Variants in SLC12A1 observed in about 807,000 individuals in gnomAD.
SLC12A1 encodes the protein solute carrier family 12 member 1, also known as Na-K-2Cl cotransporter.
SLC12A1 carries 89 observed loss-of-function variants against 130.4 expected under a neutral mutation model. The observed-to-expected ratio is 0.68, with a 90% CI of 0.58 to 0.81. The LOEUF (loss-of-function observed/expected upper bound fraction) is 0.81. Ranked by LOEUF, SLC12A1 falls within the 40% of genes least tolerant of loss-of-function variation. SLC12A1 has a pLI of 0.00. For missense variants in SLC12A1, 1,310 were observed against 1,336.4 expected (o/e 0.98, Z 0.31); for synonymous variants, 499 against 460.0 (o/e 1.08, Z -1.09).
At chr15:48,230,708 G>A (rs1417747945) in intron 7 of SLC12A1, among the ~76,000 whole-genome samples, 1 of 152,248 alleles carries the variant, frequency 6.6e-6, no homozygotes, top group African/African-American at 2.4e-5. Context: ...TCACATGACT[G>A]CCGTATTTTG....
chr15:48,207,761 GCCCAGTA>G lies in SLC12A1; in HGVS notation c.43_49del (p.Pro15IlefsTer10). 6.2e-7 allele frequency: 1 copy of G among 1,604,412 alleles called. No individual in the cohort carries two copies. Among genetic ancestry groups the G allele is most frequent in the Non-Finnish European group, 8.5e-7 (1 of 1,174,882 alleles). ...CTTCCAATGTATTTCTGGATTCAGT[GCCCAGTA>G]ATACCAATCGCTTTCAAGTTAGTGT... On this transcript the variant is annotated frameshift_variant, in exon 2 of 27. Coordinates refer to ENST00000380993, the MANE Select transcript of SLC12A1 (RefSeq NM_000338.3). LOFTEE classifies it high-confidence loss of function.
chr15:48,226,297 C>T, intron 4 of SLC12A1, 179 bp from the exon 5 acceptor site: 1 of 530,262 alleles, frequency 1.9e-6, no homozygotes, highest in Non-Finnish European at 3.3e-6. Flanking sequence ...TCATAATGAG[C>T]AGTTCTCTGA....
chr15:48,213,451 A>C (rs2041079168), intron 2 of SLC12A1, among the ~76,000 whole-genome samples: 1 of 152,092 alleles, frequency 6.6e-6, no homozygotes, highest in South Asian at 2.1e-4. Context: ...TGTATTTACA[A>C]GAGTTTCTGT....
chr15:48,241,375 C>T lies in SLC12A1; in HGVS notation c.1216-140C>T, dbSNP rs35105775. The stretch of plus-strand genomic sequence containing the variant: ...CCAAAATAAAGCTCAAGCTCATCAA[C>T]TTGCTGTTTGCTTGATCTTTTCTTA... On this transcript the variant is annotated intron_variant, in intron 9 of 26. Coordinates refer to ENST00000380993, the MANE Select transcript of SLC12A1 (RefSeq NM_000338.3). The T allele has an allele frequency of 1.9e-3, 1,309 of 699,040 alleles. 12 individuals are homozygous for T. The African/African-American group carries it at 0.02, about 11-fold the overall frequency. The allele number at this position is 699,040 out of a possible 1,614,324, so 43.3% of individuals were successfully genotyped here.
intron 14 of SLC12A1, 29 bp from the exon 15 acceptor site, chr15:48,251,586 A>C (rs1356540784): frequency 6.3e-7 from 1 of 1,582,628 alleles, no homozygotes; most frequent in African/African-American, 1.3e-5. Flanking sequence ...GTAGAGTGGA[A>C]GTTTTCCTTC....
intron 20 of SLC12A1, among the ~76,000 whole-genome samples, chr15:48,281,654 T>C (rs998455001): frequency 2.0e-5 from 3 of 152,216 alleles, no homozygotes; most frequent in African/African-American, 7.2e-5. Flanking sequence ...AGTTTCCTTT[T>C]TGGTAAAATG....
At chr15:48,231,475 G>C (rs1449001511) in intron 7 of SLC12A1, among the ~76,000 whole-genome samples, 1 of 152,180 alleles carries the variant, frequency 6.6e-6, no homozygotes, top group African/African-American at 2.4e-5. Context: ...TAGCAGTAGA[G>C]GGTAGCATTT....
rs553459441 is a variant in SLC12A1 at position 48,226,392 on chromosome 15, G to T, written c.629-84G>T. On this transcript the variant is annotated intron_variant, in intron 4 of 26. Coordinates refer to ENST00000380993, the MANE Select transcript of SLC12A1 (RefSeq NM_000338.3). Reference sequence around the variant, plus strand: ...CCGAGGCATGGACCTGAAAACTTAAGTTAAAGGCAGTGTAGTTTGCAGCAA... The same window carrying T: ...CCGAGGCATGGACCTGAAAACTTAATTTAAAGGCAGTGTAGTTTGCAGCAA... The T allele has an allele frequency of 4.9e-6, 4 of 823,330 alleles. No individual in the cohort carries two copies. In the African/African-American group the frequency reaches 7.1e-5, roughly 15 times the overall value. The allele number at this position is 823,330 out of a possible 1,614,324, so 51.0% of individuals were successfully genotyped here.
chr15:48,221,878 T>C (rs1354579215), intron 4 of SLC12A1, among the ~76,000 whole-genome samples: 1 of 152,196 alleles, frequency 6.6e-6, no homozygotes, highest in Non-Finnish European at 1.5e-5. Flanking sequence ...CCAGAAGGTA[T>C]CTCAATTCAC....
At chr15:48,286,286 T>C (rs1194846900) in intron 21 of SLC12A1, among the ~76,000 whole-genome samples, 2 of 152,244 alleles carry the variant, frequency 1.3e-5, no homozygotes, top group Non-Finnish European at 1.5e-5. Flanking sequence ...CTCTGGCTAC[T>C]GTCGAGCTCC....
chr15:48,287,648 C>T (rs2042073679), intron 21 of SLC12A1, among the ~76,000 whole-genome samples: 2 of 152,046 alleles, frequency 1.3e-5, no homozygotes. Flanking sequence ...TAAGTAAATA[C>T]AAAAATATTA....
intron 16 of SLC12A1, among the ~76,000 whole-genome samples, chr15:48,256,641 T>C (rs2041710108): frequency 6.6e-6 from 1 of 152,172 alleles, no homozygotes; most frequent in African/African-American, 2.4e-5. Context: ...CTGCCCTTTA[T>C]AAAACCATCA....
chr15:48,283,134 A>G (rs1310376112), intron 20 of SLC12A1, among the ~76,000 whole-genome samples: 1 of 152,166 alleles, frequency 6.6e-6, no homozygotes, highest in African/African-American at 2.4e-5. Context: ...GACTAGGCCC[A>G]TTTCCAAAAG....
chr15:48,244,845 T>G lies in SLC12A1; in HGVS notation c.1393T>G (p.Tyr465Asp). 1.2e-6 allele frequency: 2 copies of G among 1,614,004 alleles called. No individual in the cohort carries two copies. The highest frequency in any genetic ancestry group is 2.2e-5 in the South Asian group (2 of 91,086). The change falls in exon 11 of 27, where the codon TAT (tyrosine) becomes GAT (aspartate). Residue 465 changes from tyrosine to aspartate, a missense_variant. Tyr to Asp is a radical substitution (Grantham distance 160). Transcript: ENST00000380993. ...TGGTTCAGCAGCATGTGGGTTGGGCTATGACTTCTCAAGATGTCGACATGA... is the reference window on the plus strand; with the variant it reads ...TGGTTCAGCAGCATGTGGGTTGGGCGATGACTTCTCAAGATGTCGACATGA... ...CNGSAACGLG[Y>D]DFSRCRHEPC... is the part of the protein sequence containing the mutation.
chr15:48,241,661 T>C (rs755605961), intron 10 of SLC12A1, 62 bp downstream of exon 10: 1 of 1,144,500 alleles, frequency 8.7e-7, no homozygotes, highest in African/African-American at 1.5e-5. Context: ...TGTTCACGTC[T>C]AGTGAGCTTT....
At chr15:48,254,043 C>G (rs1349178714) in intron 15 of SLC12A1, among the ~76,000 whole-genome samples, 1 of 152,042 alleles carries the variant, frequency 6.6e-6, no homozygotes, top group African/African-American at 2.4e-5. Flanking sequence ...GGATGCAAAT[C>G]CTTTAGTATA....
intron 4 of SLC12A1, chr15:48,223,823 T>A (rs1225396558): frequency 2.6e-5 from 4 of 152,176 alleles, no homozygotes; most frequent in African/African-American, 4.8e-5. Flanking sequence ...TCCAACTATT[T>A]TTTACAACCC....
At chr15:48,227,077 A>G (rs1245850232) in intron 5 of SLC12A1, 1 of 1,549,548 alleles carries the variant, frequency 6.5e-7, no homozygotes, top group South Asian at 1.2e-5. Flanking sequence ...GGGATTTTGC[A>G]GGTCTTGGAG....
At position 48,249,653 on chromosome 15, in the gene SLC12A1, A is replaced by G; in HGVS notation, c.1763A>G (p.His588Arg). The stretch of plus-strand genomic sequence containing the variant: ...GCACTTATTAATTTCTCCTGCTTCC[A>G]TGCCTCTTATGCCAAATCTCCAGGT... ...SYALINFSCF[H>R]ASYAKSPGWR... The change falls in exon 14 of 27, where the codon CAT (histidine) becomes CGT (arginine). Residue 588 changes from histidine to arginine, a missense_variant. By Grantham distance (29) the His-to-Arg change is conservative (BLOSUM62 0). Transcript: ENST00000380993. 2 of 1,613,440 alleles carry G rather than the reference A, an allele frequency of 1.2e-6. No individual in the cohort carries two copies. Among genetic ancestry groups the G allele is most frequent in the Non-Finnish European group, 8.5e-7 (1 of 1,179,416 alleles).
Sources: allele counts gnomAD v4.1 joint callset (sites outside exome capture counted in the v4.1 genomes callset), GRCh38; gene constraint gnomAD v4.1.1; transcripts MANE v1.5; gene names NCBI Gene and HGNC (gene_info 2026-07-23, HGNC 2026-07-21).